The following CDYL2 variants were observed in gnomAD, a reference collection of about 807,000 sequenced individuals.
The protein encoded by CDYL2 is chromodomain Y-like protein 2.
Under a neutral mutation model 49.4 loss-of-function variants are expected in CDYL2, and 23 were observed. That is an observed-to-expected ratio of 0.47 (90% CI 0.34 to 0.66). CDYL2 has a LOEUF of 0.66. Among genes scored for constraint, CDYL2 ranks in the 30% least tolerant of loss-of-function variants. The probability of loss-of-function intolerance (pLI) is 0.01; values close to 1 mark genes in which losing one functional copy is unlikely to be tolerated. For synonymous variants in CDYL2, 360 were observed against 268.8 expected (o/e 1.34, Z -3.32); for missense variants, 678 against 656.4 (o/e 1.03, Z -0.36).
intron 1 of CDYL2, among the ~76,000 whole-genome samples, chr16:80,772,522 G>A (rs903705409): frequency 1.3e-5 from 2 of 152,082 alleles, no homozygotes; most frequent in Admixed American, 6.5e-5. Context: ...GCATGATCTC[G>A]GCTCACTGCA....
chr16:80,646,347 A>T (rs1366004588), intron 2 of CDYL2, among the ~76,000 whole-genome samples: 5 of 152,164 alleles, frequency 3.3e-5, no homozygotes, highest in Admixed American at 2.6e-4. Flanking sequence ...TAAAAGGAAG[A>T]CAGGAATGAA....
chr16:80,776,927 C>G (rs1225038339), intron 1 of CDYL2, among the ~76,000 whole-genome samples: 1 of 151,940 alleles, frequency 6.6e-6, no homozygotes, highest in Non-Finnish European at 1.5e-5. Flanking sequence ...AAGCCATTCT[C>G]CTGCCTCGGC....
intron 1 of CDYL2, among the ~76,000 whole-genome samples, chr16:80,712,204 T>TATATACATATATACACAG (rs1174372592): frequency 8.0e-6 from 1 of 124,910 alleles, no homozygotes; most frequent in Admixed American, 8.0e-5. Flanking sequence ...TATATATATA[T>TATATACATATATACACAG]ATATATATAT....
intron 1 of CDYL2, among the ~76,000 whole-genome samples, chr16:80,769,134 G>T (rs1567601056): frequency 1.3e-5 from 2 of 152,144 alleles, no homozygotes; most frequent in South Asian, 4.1e-4. Context: ...CTACAGCCAT[G>T]CCCAGAGCCA....
intron 3 of CDYL2, among the ~76,000 whole-genome samples, chr16:80,626,174 A>G (rs1907289845): frequency 2.0e-5 from 3 of 150,520 alleles, no homozygotes; most frequent in Non-Finnish European, 4.4e-5. Flanking sequence ...GGTGCATGCC[A>G]GTGGTCCCAG....
intron 2 of CDYL2, among the ~76,000 whole-genome samples, chr16:80,660,055 G>C (rs1479231581): frequency 6.6e-6 from 1 of 151,938 alleles, no homozygotes; most frequent in African/African-American, 2.4e-5. Flanking sequence ...TCAAAATGCT[G>C]AGACAAAATA....
intron 2 of CDYL2, among the ~76,000 whole-genome samples, chr16:80,666,304 T>A (rs968496857): frequency 1.3e-5 from 2 of 152,188 alleles, no homozygotes; most frequent in Non-Finnish European, 2.9e-5. Flanking sequence ...CAATACTTCC[T>A]GTAACTGGGA....
intron 1 of CDYL2, among the ~76,000 whole-genome samples, chr16:80,731,246 A>G (rs1567588130): frequency 8.5e-6 from 1 of 117,884 alleles, no homozygotes; most frequent in Non-Finnish European, 2.2e-5. Context: ...TGAAAACTAA[A>G]AACATCAGCG....
rs151113441 is a variant in CDYL2, at chr16:80,675,373, A to C, written c.616+9165T>G. Among the ~76,000 whole-genome samples the C allele has an allele frequency of 1.9e-3, 283 of 152,346 alleles. 2 individuals are homozygous for C. The highest frequency in any genetic ancestry group is 6.6e-3 in the African/African-American group (273 of 41,572). ...AACCTTGTTATGTTGCTATGTTGTT[A>C]AACTGCTCCATCAGAGAACCACTGA... is the stretch of plus-strand genomic sequence containing the variant. On this transcript the variant is annotated intron_variant, in intron 2 of 6. Transcript: ENST00000570137.
At chr16:80,632,117 A>T (rs976234759) in intron 3 of CDYL2, among the ~76,000 whole-genome samples, 1 of 152,248 alleles carries the variant, frequency 6.6e-6, no homozygotes, top group Non-Finnish European at 1.5e-5. Flanking sequence ...ACTTGTATAT[A>T]ACATTTGTAG....
At chr16:80,643,823 T>A (rs1207289847) in intron 2 of CDYL2, among the ~76,000 whole-genome samples, 3 of 152,208 alleles carry the variant, frequency 2.0e-5, no homozygotes, top group Non-Finnish European at 4.4e-5. Flanking sequence ...CAAAACCATT[T>A]TCCCCTAGGC....
chr16:80,641,777 T>C (rs1908101356), intron 2 of CDYL2, among the ~76,000 whole-genome samples: 1 of 146,496 alleles, frequency 6.8e-6, no homozygotes, highest in Non-Finnish European at 1.5e-5. Flanking sequence ...GGGATAGCAT[T>C]AGGAGATATA....
Position 80,603,844 on chromosome 16 carries a change from T to G in CDYL2, c.*544A>C, listed in dbSNP as rs1427422720. ...TATCTGGGTTTGCAAATCACTCAAT[T>G]GGGTTTTAAGACCAAGCCCTAATAG... On this transcript the variant is annotated 3_prime_UTR_variant, in exon 7 of 7. Coordinates refer to ENST00000570137, the MANE Select transcript of CDYL2 (RefSeq NM_152342.4). 2.0e-5 allele frequency: 3 copies of G among 153,010 alleles called. No homozygotes were observed. Among genetic ancestry groups the G allele is most frequent in the African/African-American group, 7.2e-5 (3 of 41,470 alleles). The allele number at this position is 153,010 out of a possible 1,614,324, so 9.5% of individuals were successfully genotyped here.
intron 3 of CDYL2, among the ~76,000 whole-genome samples, chr16:80,631,899 C>T (rs7198309): frequency 0.057 from 8,700 of 152,152 alleles, 830 homozygotes; most frequent in African/African-American, 0.2. Context: ...CAAGTGTTAT[C>T]GAGGATACAG....
intron 5 of CDYL2, among the ~76,000 whole-genome samples, chr16:80,608,868 C>T (rs1906463132): frequency 6.6e-6 from 1 of 152,152 alleles, no homozygotes; most frequent in South Asian, 2.1e-4. Context: ...CCCTGTCTCC[C>T]CAAGGGAACT....
intron 1 of CDYL2, among the ~76,000 whole-genome samples, chr16:80,770,219 T>C (rs1176673159): frequency 6.6e-6 from 1 of 152,190 alleles, no homozygotes. Context: ...ATCAATCATA[T>C]AATCCTGAAG....
chr16:80,710,084 C>G (rs375440507), intron 1 of CDYL2, among the ~76,000 whole-genome samples: 1 of 152,096 alleles, frequency 6.6e-6, no homozygotes, highest in African/African-American at 2.4e-5. Context: ...CGTGCCACCA[C>G]GCCTGGCTAA....
At chr16:80,622,363 C>G (rs1907120825) in intron 3 of CDYL2, among the ~76,000 whole-genome samples, 1 of 152,106 alleles carries the variant, frequency 6.6e-6, no homozygotes, top group African/African-American at 2.4e-5. Flanking sequence ...GTTGCCCAGG[C>G]TCCTTGATTC....
At chr16:80,631,073 G>T (rs1341069541) in intron 3 of CDYL2, among the ~76,000 whole-genome samples, 1 of 152,168 alleles carries the variant, frequency 6.6e-6, no homozygotes, top group Non-Finnish European at 1.5e-5. Context: ...AGTGGGCCTG[G>T]CACTGGGATG....
Sources: allele counts gnomAD v4.1 joint callset (sites outside exome capture counted in the v4.1 genomes callset), GRCh38; gene constraint gnomAD v4.1.1; transcripts MANE v1.5; gene names NCBI Gene and HGNC (gene_info 2026-07-23, HGNC 2026-07-21).